Variants in NCAM2 observed in about 807,000 individuals in gnomAD.
NCAM2 encodes N-CAM-2.
NCAM2 carries 30 observed loss-of-function variants against 98.1 expected under a neutral mutation model. That is an observed-to-expected ratio of 0.31 (90% CI 0.23 to 0.41). NCAM2 has a LOEUF of 0.41. Ranked by LOEUF, NCAM2 falls within the 10% of genes least tolerant of loss-of-function variation. The pLI, the probability that NCAM2 is intolerant of heterozygous loss-of-function variation, is 1.00. For missense variants in NCAM2, 867 were observed against 1,005.8 expected (o/e 0.86, Z 1.87); for synonymous variants, 368 against 342.4 (o/e 1.07, Z -0.83).
intron 1 of NCAM2, among the ~76,000 whole-genome samples, chr21:21,099,577 G>T (rs115468009): frequency 6.6e-6 from 1 of 151,854 alleles, no homozygotes; most frequent in South Asian, 2.1e-4. Flanking sequence ...CAGCATGAGG[G>T]TAACAGACCC....
intron 1 of NCAM2, among the ~76,000 whole-genome samples, chr21:21,076,421 A>G (rs1367950658): frequency 1.3e-5 from 2 of 152,116 alleles, no homozygotes; most frequent in African/African-American, 4.8e-5. Context: ...AGAGCCATTT[A>G]ATTTTTTTAA....
At chr21:21,358,738 T>G (rs926145978) in intron 8 of NCAM2, among the ~76,000 whole-genome samples, 1 of 152,088 alleles carries the variant, frequency 6.6e-6, no homozygotes, top group Non-Finnish European at 1.5e-5. Flanking sequence ...TAAATTGTTA[T>G]AACTTTTTCT....
intron 1 of NCAM2, among the ~76,000 whole-genome samples, chr21:21,222,540 T>G (rs2070212423): frequency 6.6e-6 from 1 of 152,110 alleles, no homozygotes; most frequent in South Asian, 2.1e-4. Flanking sequence ...TTCCAAATTA[T>G]CAGTCAGAAT....
rs1384614275 is a variant in NCAM2, at chr21:21,019,768, A to G, written c.55+21150A>G. On this transcript the variant is annotated intron_variant, in intron 1 of 17. Transcript: ENST00000400546. Reference sequence around the variant, plus strand: ...GTTATTAGCTTTGCAAAGTTACATTACCACTCTGCCACTGAATACATTCTA... The same window carrying G: ...GTTATTAGCTTTGCAAAGTTACATTGCCACTCTGCCACTGAATACATTCTA... 3.3e-5 allele frequency among the ~76,000 whole-genome samples: 5 copies of G among 152,188 alleles called. 1 individual carries two copies. In the East Asian group the frequency reaches 9.6e-4, roughly 29 times the overall value.
chr21:21,054,846 C>G (rs1282751321), intron 1 of NCAM2, among the ~76,000 whole-genome samples: 1 of 152,010 alleles, frequency 6.6e-6, no homozygotes, highest in Non-Finnish European at 1.5e-5. Context: ...TCTTTTCTCT[C>G]AGTCCTGCAG....
chr21:21,427,325 A>C (rs2077236624), intron 11 of NCAM2, among the ~76,000 whole-genome samples: 1 of 152,330 alleles, frequency 6.6e-6, no homozygotes, highest in South Asian at 2.1e-4. Flanking sequence ...GATAAAGAAA[A>C]ATTTTGGAGA....
At chr21:21,053,140 GTAT>G (rs2065145237) in intron 1 of NCAM2, among the ~76,000 whole-genome samples, 1 of 146,232 alleles carries the variant, frequency 6.8e-6, no homozygotes, top group Non-Finnish European at 1.5e-5. Flanking sequence ...ATGGAATTAA[GTAT>G]TATGGTAATA....
At chr21:21,252,303 A>G (rs1483776519) in intron 1 of NCAM2, among the ~76,000 whole-genome samples, 1 of 151,160 alleles carries the variant, frequency 6.6e-6, no homozygotes, top group Non-Finnish European at 1.5e-5. Flanking sequence ...GTATCCCTGA[A>G]TCAAACTTTA....
intron 5 of NCAM2, among the ~76,000 whole-genome samples, chr21:21,304,071 A>AT (rs1043202206): frequency 1.8e-4 from 28 of 152,144 alleles, no homozygotes; most frequent in Admixed American, 1.7e-3. Flanking sequence ...TTGTTTTTCT[A>AT]TTTTTTAACC....
chr21:21,343,541 A>G (rs2075106526), intron 8 of NCAM2, among the ~76,000 whole-genome samples: 1 of 152,292 alleles, frequency 6.6e-6, no homozygotes, highest in African/African-American at 2.4e-5. Context: ...CAGCCTTGAC[A>G]TGGTGTCGAG....
At chr21:21,471,172 G>A (rs527719143) in intron 14 of NCAM2, among the ~76,000 whole-genome samples, 2 of 151,776 alleles carry the variant, frequency 1.3e-5, no homozygotes, top group East Asian at 3.9e-4. Flanking sequence ...TTGTGCCTTC[G>A]GATACAGCCA....
intron 1 of NCAM2, among the ~76,000 whole-genome samples, chr21:21,071,907 CT>C (rs1184109031): frequency 6.7e-6 from 1 of 149,062 alleles, no homozygotes. Flanking sequence ...ATCTATCTAT[CT>C]ATCTATCTAT....
chr21:21,439,382 G>A (rs1203124793), intron 12 of NCAM2, among the ~76,000 whole-genome samples: 1 of 152,266 alleles, frequency 6.6e-6, no homozygotes, highest in East Asian at 1.9e-4. Flanking sequence ...GCCTCCCTCA[G>A]CCTCCCAAAG....
chr21:21,003,847 A>C (rs1176532598), intron 1 of NCAM2, among the ~76,000 whole-genome samples: 1 of 152,168 alleles, frequency 6.6e-6, no homozygotes, highest in Non-Finnish European at 1.5e-5. Context: ...ATGGTTGCGT[A>C]GATTGTGTGA....
chr21:21,148,304 G>A (rs1397901312), intron 1 of NCAM2, among the ~76,000 whole-genome samples: 2 of 152,130 alleles, frequency 1.3e-5, no homozygotes, highest in African/African-American at 4.8e-5. Flanking sequence ...CATAAATGAA[G>A]GCTTTCTCTA....
chr21:21,211,841 ACTATAC>A (rs2069671213), intron 1 of NCAM2, among the ~76,000 whole-genome samples: 1 of 152,128 alleles, frequency 6.6e-6, no homozygotes, highest in African/African-American at 2.4e-5. Context: ...GCCTGGCTTG[ACTATAC>A]GCTCCTGAGG....
At chr21:21,205,103 C>G (rs2069386466) in intron 1 of NCAM2, among the ~76,000 whole-genome samples, 1 of 152,154 alleles carries the variant, frequency 6.6e-6, no homozygotes, top group Non-Finnish European at 1.5e-5. Flanking sequence ...AAGAAAGAGT[C>G]TAACGGTAAA....
chr21:21,492,357 T>G (rs1986910531), intron 15 of NCAM2, among the ~76,000 whole-genome samples: 1 of 151,808 alleles, frequency 6.6e-6, no homozygotes, highest in Admixed American at 6.6e-5. Context: ...AAAAAATCCC[T>G]ATGTGTCAGA....
At chr21:21,234,619 A>G (rs2070748293) in intron 1 of NCAM2, among the ~76,000 whole-genome samples, 1 of 151,996 alleles carries the variant, frequency 6.6e-6, no homozygotes, top group Non-Finnish European at 1.5e-5. Flanking sequence ...TTATTTAGTG[A>G]GGACTTTTCT....
Sources: allele counts gnomAD v4.1 joint callset (sites outside exome capture counted in the v4.1 genomes callset), GRCh38; gene constraint gnomAD v4.1.1; transcripts MANE v1.5; gene names NCBI Gene and HGNC (gene_info 2026-07-23, HGNC 2026-07-21).